Variants in EFCAB3 observed in about 807,000 individuals in gnomAD.
EFCAB3 encodes EF-hand calcium-binding domain-containing protein 3.
A neutral mutation model predicts 42.2 loss-of-function variants in EFCAB3; 36 were observed. The observed-to-expected ratio is 0.85, with a 90% CI of 0.65 to 1.13. The LOEUF is 1.13. Ranked by LOEUF, EFCAB3 falls within the 50% of genes most tolerant of loss-of-function variation. The pLI is 0.00. For synonymous variants in EFCAB3, 170 were observed against 172.8 expected (o/e 0.98, Z 0.13); for missense variants, 418 against 505.1 (o/e 0.83, Z 1.65).
At chr17:62,391,637 T>C (rs1352435101) in intron 3 of EFCAB3, among the ~76,000 whole-genome samples, 185 bp from the exon 4 acceptor site, 1 of 152,178 alleles carries the variant, frequency 6.6e-6, no homozygotes, top group African/African-American at 2.4e-5. Context: ...AGTTAGTTCA[T>C]TCCAGTTCAA....
chr17:62,401,797 T>C (rs890610974), intron 6 of EFCAB3, among the ~76,000 whole-genome samples: 1 of 152,218 alleles, frequency 6.6e-6, no homozygotes, highest in Non-Finnish European at 1.5e-5. Context: ...CACATGAACT[T>C]TAAAGTAGTT....
chr17:62,414,874 C>T (rs2036360997), intron 9 of EFCAB3, among the ~76,000 whole-genome samples: 1 of 152,026 alleles, frequency 6.6e-6, no homozygotes, highest in Non-Finnish European at 1.5e-5. Flanking sequence ...GAAGCTAAGG[C>T]AGGCGAATCA....
chr17:62,387,254 C>T, intron 2 of EFCAB3, 86 bp from the exon 3 acceptor site: 1 of 1,002,084 alleles, frequency 1.0e-6, no homozygotes, highest in East Asian at 2.6e-5. Flanking sequence ...TACAGTCATT[C>T]CAGTAAGCAG....
intron 1 of EFCAB3, chr17:62,373,741 G>T: frequency 1.2e-6 from 1 of 867,118 alleles, no homozygotes; most frequent in Non-Finnish European, 1.8e-6. Context: ...CTATTATATT[G>T]TTTTTAATAA....
At chr17:62,391,777 T>G in intron 3 of EFCAB3, 45 bp from the exon 4 acceptor site, 1 of 1,597,750 alleles carries the variant, frequency 6.3e-7, no homozygotes, top group East Asian at 2.2e-5. Flanking sequence ...TGTATGTACT[T>G]CTTCTTGAAC....
At chr17:62,408,982 C>A (rs575449003) in intron 8 of EFCAB3, among the ~76,000 whole-genome samples, 1 of 152,312 alleles carries the variant, frequency 6.6e-6, no homozygotes, top group East Asian at 1.9e-4. Context: ...AAATAACAAT[C>A]CCCACATTGT....
At chr17:62,405,277 G>A (rs952360468) in intron 6 of EFCAB3, among the ~76,000 whole-genome samples, 6 of 152,180 alleles carry the variant, frequency 3.9e-5, no homozygotes, top group Non-Finnish European at 4.4e-5. Flanking sequence ...CTGATCATAA[G>A]TCAGACTCTA....
intron 2 of EFCAB3, among the ~76,000 whole-genome samples, chr17:62,387,125 G>A (rs1387050487): frequency 4.6e-5 from 7 of 152,076 alleles, no homozygotes; most frequent in Admixed American, 4.6e-4. Context: ...AGGGTGATGG[G>A]CAAGTTTAGG....
chr17:62,397,249 A>G (rs2070357938), intron 6 of EFCAB3: 1 of 200,132 alleles, frequency 5.0e-6, no homozygotes, highest in South Asian at 1.0e-4. Context: ...TTTAAGACAT[A>G]GTATTTAACA....
intron 1 of EFCAB3, among the ~76,000 whole-genome samples, chr17:62,370,570 C>T (rs1045206287): frequency 6.6e-6 from 1 of 151,884 alleles, no homozygotes; most frequent in African/African-American, 2.4e-5. Flanking sequence ...GCAAGAGAAT[C>T]GCTTGAACCC....
At chr17:62,406,393 C>T in intron 6 of EFCAB3, 87 bp from the exon 7 acceptor site, 2 of 1,068,562 alleles carry the variant, frequency 1.9e-6, no homozygotes, top group Non-Finnish European at 2.6e-6. Flanking sequence ...TAAGTTTCTT[C>T]AGCATATGTA....
exon 1 of EFCAB3, chr17:62,370,224 G>A (rs1598000392): frequency 1.3e-6 from 2 of 1,489,024 alleles, no homozygotes; most frequent in East Asian, 4.9e-5. Context: ...CTAAGGAGAG[G>A]TGATTGATGT....
chr17:62,403,956 T>C (rs1270170278), intron 6 of EFCAB3, among the ~76,000 whole-genome samples: 1 of 152,178 alleles, frequency 6.6e-6, no homozygotes, highest in Non-Finnish European at 1.5e-5. Context: ...AGCCCTCATC[T>C]CTTGTAACTT....
Position 62,413,772 on chromosome 17 carries a change from C to G in EFCAB3, c.908C>G (p.Ser303Ter), listed in dbSNP as rs1200159972. ...IKSMDPASGY[S>*]NNIFTIDQML... ...TCTATGGACCCTGCCTCAGGTTATT[C>G]AAATAACATCTTCACCATTGATCAA... is the stretch of plus-strand genomic sequence containing the variant. Residue 303 changes from serine (S) to a stop codon, truncating the protein, a stop_gained, in exon 9 of 10, where the codon TCA becomes TGA. Coordinates refer to ENST00000305286, the MANE Select transcript of EFCAB3 (RefSeq NM_173503.4). LOFTEE classifies it high-confidence loss of function. 1.2e-6 allele frequency: 2 copies of G among 1,613,450 alleles called. No homozygotes were observed. The highest frequency in any genetic ancestry group is 3.3e-5 in the Admixed American group (2 of 59,970).
intron 8 of EFCAB3, among the ~76,000 whole-genome samples, chr17:62,412,402 G>A (rs865807777): frequency 6.6e-6 from 1 of 151,378 alleles, no homozygotes; most frequent in Non-Finnish European, 1.5e-5. Flanking sequence ...ACATTATAAG[G>A]GTGTTGTTCT....
intron 6 of EFCAB3, among the ~76,000 whole-genome samples, chr17:62,404,255 G>C (rs914333020): frequency 6.6e-6 from 1 of 152,158 alleles, no homozygotes; most frequent in African/African-American, 2.4e-5. Context: ...TAATCCCAAA[G>C]CTTTGGGAGC....
At position 62,416,355 on chromosome 17, in the gene EFCAB3, A is replaced by G. The variant is rs1202713004; in HGVS notation, c.*26A>G. The G allele has an allele frequency of 3.4e-6, 5 of 1,451,344 alleles. No individual in the cohort carries two copies. The African/African-American group carries it at 5.7e-5, about 17-fold the overall frequency. The allele number at this position is 1,451,344 out of a possible 1,614,324, so 89.9% of individuals were successfully genotyped here. A position where few individuals can be genotyped will look rare whatever the true frequency, so the allele number is the denominator to read the frequency against. On this transcript the variant is annotated 3_prime_UTR_variant, in exon 10 of 10. Coordinates refer to ENST00000305286, the MANE Select transcript of EFCAB3 (RefSeq NM_173503.4). ...AATTTCTACATTTTCTAAACAGCTC[A>G]TCACAAACTACTTTTTCATAGTTAT...
chr17:62,403,407 A>G (rs2144101276), intron 6 of EFCAB3, among the ~76,000 whole-genome samples: 2 of 152,220 alleles, frequency 1.3e-5, no homozygotes, highest in South Asian at 4.1e-4. Context: ...CTCTGTTTCC[A>G]TATTTGCCAT....
chr17:62,379,916 A>G (rs960398958), upstream of EFCAB3, among the ~76,000 whole-genome samples: 1 of 152,228 alleles, frequency 6.6e-6, no homozygotes, highest in Non-Finnish European at 1.5e-5. Context: ...GGCTTAAACA[A>G]TTAATGAAAT....
Sources: allele counts gnomAD v4.1 joint callset (sites outside exome capture counted in the v4.1 genomes callset), GRCh38; gene constraint gnomAD v4.1.1; transcripts MANE v1.5; gene names NCBI Gene and HGNC (gene_info 2026-07-23, HGNC 2026-07-21).